Variants in ITGB1 observed in about 807,000 individuals in gnomAD.
ITGB1 encodes integrin subunit beta 1, also known as integrin beta-1.
ITGB1 carries 24 observed loss-of-function variants against 86.5 expected under a neutral mutation model. That is an observed-to-expected ratio of 0.28 (90% CI 0.20 to 0.39). The LOEUF (loss-of-function observed/expected upper bound fraction) is 0.39. ITGB1 is among the 10% of genes least tolerant of loss of function. ITGB1 has a pLI of 1.00. For synonymous variants in ITGB1, 323 were observed against 316.8 expected (o/e 1.02, Z -0.21); for missense variants, 556 against 946.9 (o/e 0.59, Z 5.42).
intron 1 of ITGB1, among the ~76,000 whole-genome samples, chr10:32,948,195 C>A (rs77395500): frequency 0.012 from 1,830 of 152,212 alleles, 30 homozygotes; most frequent in African/African-American, 0.041. Context: ...TTATTATACT[C>A]TTTATAGATT....
At chr10:32,921,482 T>G (rs952438296) in intron 9 of ITGB1, among the ~76,000 whole-genome samples, 2 of 152,088 alleles carry the variant, frequency 1.3e-5, no homozygotes, top group African/African-American at 4.8e-5. Flanking sequence ...CCCCATGACA[T>G]GAAGTAAAAA....
intron 11 of ITGB1, among the ~76,000 whole-genome samples, chr10:32,912,964 T>C (rs974454133): frequency 2.0e-5 from 3 of 152,134 alleles, no homozygotes; most frequent in African/African-American, 7.2e-5. Flanking sequence ...AGACGAAGCT[T>C]CCAGAGGAAG....
intron 3 of ITGB1, among the ~76,000 whole-genome samples, 188 bp from the exon 4 acceptor site, chr10:32,930,232 T>G (rs2094978975): frequency 6.6e-6 from 1 of 152,196 alleles, no homozygotes; most frequent in African/African-American, 2.4e-5. Flanking sequence ...AAAACAATCA[T>G]TTCCAAGAAA....
At chr10:32,905,350 T>C (rs1408906398) in intron 15 of ITGB1, among the ~76,000 whole-genome samples, 2 of 152,242 alleles carry the variant, frequency 1.3e-5, no homozygotes, top group Non-Finnish European at 2.9e-5. Context: ...GATCAGTTTG[T>C]AAGCACACTC....
intron 5 of ITGB1, 43 bp from the exon 6 acceptor site, chr10:32,926,152 T>TGGAA (rs763800654): frequency 7.6e-7 from 1 of 1,313,710 alleles, no homozygotes; most frequent in South Asian, 1.2e-5. Context: ...AATGGATGGA[T>TGGAA]AGATGGAAAG....
intron 1 of ITGB1, among the ~76,000 whole-genome samples, chr10:32,955,960 G>A (rs950165771): frequency 1.3e-5 from 2 of 152,130 alleles, no homozygotes; most frequent in African/African-American, 4.8e-5. Flanking sequence ...CAACACAGAC[G>A]AGTTAAACAA....
chr10:32,924,767 G>A (rs1160176772), intron 6 of ITGB1, among the ~76,000 whole-genome samples: 1 of 152,178 alleles, frequency 6.6e-6, no homozygotes, highest in East Asian at 1.9e-4. Context: ...TAACAGCAGG[G>A]ACTAACCTTA....
chr10:32,925,236 C>A (rs1017317959), intron 6 of ITGB1, among the ~76,000 whole-genome samples: 1 of 152,192 alleles, frequency 6.6e-6, no homozygotes, highest in African/African-American at 2.4e-5. Context: ...ATAGCTGCTA[C>A]ATGGATCATA....
intron 1 of ITGB1, among the ~76,000 whole-genome samples, chr10:32,943,146 C>G (rs926139942): frequency 6.6e-6 from 1 of 152,190 alleles, no homozygotes; most frequent in Non-Finnish European, 1.5e-5. Flanking sequence ...AAAAGTGTTA[C>G]TATAGACATC....
Position 32,901,322 on chromosome 10 carries a change from G to C in ITGB1, c.*248C>G, listed in dbSNP as rs2094881189. 2.6e-6 allele frequency: 1 copy of C among 389,662 alleles called. No individual in the cohort carries two copies. Among genetic ancestry groups the C allele is most frequent in the Non-Finnish European group, 4.6e-6 (1 of 215,954 alleles). The allele number at this position is 389,662 out of a possible 1,614,324, so 24.1% of individuals were successfully genotyped here. A position where few individuals can be genotyped will look rare whatever the true frequency, so the allele number is the denominator to read the frequency against. On this transcript the variant is annotated 3_prime_UTR_variant, in exon 16 of 16. Coordinates refer to ENST00000302278, the MANE Select transcript of ITGB1 (RefSeq NM_002211.4). ...GATTTCAATAGTCCAGGAAGAAAAG[G>C]TCAAAAAGGCACAATGTGACCTTAG... is the stretch of plus-strand genomic sequence containing the variant.
At chr10:32,929,710 C>T in intron 4 of ITGB1, 112 bp downstream of exon 4, 1 of 688,580 alleles carries the variant, frequency 1.5e-6, no homozygotes, top group Non-Finnish European at 2.6e-6. Flanking sequence ...TTTTGAGTGC[C>T]AGTCCACATG....
intron 11 of ITGB1, among the ~76,000 whole-genome samples, chr10:32,913,783 A>T (rs1262368912): frequency 1.3e-5 from 2 of 152,200 alleles, no homozygotes; most frequent in Non-Finnish European, 2.9e-5. Flanking sequence ...CTAGCAAGGC[A>T]GGCCAACATT....
intron 1 of ITGB1, among the ~76,000 whole-genome samples, chr10:32,939,769 A>T (rs568709277): frequency 8.8e-5 from 13 of 147,146 alleles, no homozygotes; most frequent in African/African-American, 7.6e-5. Context: ...AGTGAGTGAG[A>T]GGGGCAAGTG....
At chr10:32,949,636 T>G (rs900706656) in intron 1 of ITGB1, among the ~76,000 whole-genome samples, 7 of 152,278 alleles carry the variant, frequency 4.6e-5, no homozygotes, top group Admixed American at 4.6e-4. Context: ...CAATAAACAA[T>G]CTTAAACACC....
intron 1 of ITGB1, among the ~76,000 whole-genome samples, chr10:32,940,147 C>T (rs1297711641): frequency 6.6e-6 from 1 of 152,068 alleles, no homozygotes; most frequent in Non-Finnish European, 1.5e-5. Context: ...TAATGGAGAC[C>T]ATCCTGGCCA....
In ITGB1 at chr10:32,925,728, A is replaced by C. The variant is rs2094962421; in HGVS notation, c.786+143T>G. 4 of 648,922 alleles carry C rather than the reference A, an allele frequency of 6.2e-6. No homozygotes were observed. In the Admixed American group the frequency reaches 7.6e-5, roughly 12 times the overall value. 40.2% of individuals were successfully genotyped at this position (648,922 alleles called of 1,614,324 possible). On this transcript the variant is annotated intron_variant, in intron 6 of 15. Coordinates refer to ENST00000302278, the MANE Select transcript of ITGB1 (RefSeq NM_002211.4). ...GCACTTTATGTATACAGGCAATTTA[A>C]GGGTTTACTTAAAATTACTTCTCTA... is the stretch of plus-strand genomic sequence containing the variant.
At chr10:32,949,248 A>G (rs1282836568) in intron 1 of ITGB1, among the ~76,000 whole-genome samples, 1 of 152,192 alleles carries the variant, frequency 6.6e-6, no homozygotes, top group Non-Finnish European at 1.5e-5. Context: ...AACCAGAGAG[A>G]CTAAACAACT....
chr10:32,929,944 C>A lies in ITGB1; in HGVS notation c.254G>T (p.Gly85Val). 6.5e-7 allele frequency: 1 copy of A among 1,530,926 alleles called. No homozygotes were observed. Among genetic ancestry groups the A allele is most frequent in the Non-Finnish European group, 9.1e-7 (1 of 1,103,972 alleles). The allele number at this position is 1,530,926 out of a possible 1,614,324, so 94.8% of individuals were successfully genotyped here. ...TTTATTTTTCTTTATATCTTTGGAG[C>A]CTCTGGGATTTTCTATGTCATCTGG... is the stretch of plus-strand genomic sequence containing the variant. The part of the protein sequence containing the change: ...CPPDDIENPR[G>V]SKDIKKNKNV... The change falls in exon 4 of 16, where the codon GGC becomes GTC. Residue 85 changes from glycine (G) to valine (V), a missense_variant. By Grantham distance (109) the Gly-to-Val change is moderately radical. Coordinates refer to ENST00000302278, the MANE Select transcript of ITGB1 (RefSeq NM_002211.4).
At chr10:32,901,691 A>C in intron 15 of ITGB1, 56 bp from the exon 16 acceptor site, 1 of 1,118,810 alleles carries the variant, frequency 8.9e-7, no homozygotes, top group Non-Finnish European at 1.3e-6. Flanking sequence ...AATTATGTAG[A>C]ATAATTTTTA....
Sources: allele counts gnomAD v4.1 joint callset (sites outside exome capture counted in the v4.1 genomes callset), GRCh38; gene constraint gnomAD v4.1.1; transcripts MANE v1.5; gene names NCBI Gene and HGNC (gene_info 2026-07-23, HGNC 2026-07-21).